RGSL1: variants seen among roughly 807,000 people sequenced by gnomAD.
RGSL1 encodes regulator of G protein signaling protein-like.
In RGSL1, 97 loss-of-function variants were observed where a neutral mutation model predicts 124.7. The ratio of observed to expected loss-of-function variants is 0.78; its 90% CI spans 0.66 to 0.92. The LOEUF (loss-of-function observed/expected upper bound fraction) is 0.92. Ranked by LOEUF, RGSL1 falls within the 40% of genes least tolerant of loss-of-function variation. The pLI is 0.00. For synonymous variants in RGSL1, 424 were observed against 438.1 expected (o/e 0.97, Z 0.40); for missense variants, 1,233 against 1,288.4 (o/e 0.96, Z 0.66).
At chr1:182,520,332 T>G (rs552463705) in intron 9 of RGSL1, among the ~76,000 whole-genome samples, 10 of 152,328 alleles carry the variant, frequency 6.6e-5, no homozygotes, top group Non-Finnish European at 1.3e-4. Context: ...GGGCCTCTTC[T>G]CCTTTTGCCC....
chr1:182,552,031 T>C (rs932773271), intron 18 of RGSL1, among the ~76,000 whole-genome samples: 2 of 152,196 alleles, frequency 1.3e-5, no homozygotes, highest in Non-Finnish European at 2.9e-5. Context: ...TCTATGATAT[T>C]CACACAACCA....
intron 6 of RGSL1, among the ~76,000 whole-genome samples, chr1:182,479,828 T>A (rs899726682): frequency 6.6e-6 from 1 of 152,176 alleles, no homozygotes; most frequent in African/African-American, 2.4e-5. Context: ...AAAAGCATAT[T>A]TGGCTATACT....
intron 4 of RGSL1, among the ~76,000 whole-genome samples, chr1:182,470,787 G>A (rs1243184104): frequency 2.0e-5 from 3 of 152,156 alleles, no homozygotes; most frequent in East Asian, 1.9e-4. Flanking sequence ...AACATGTACT[G>A]AAAGAATGAA....
intron 15 of RGSL1, among the ~76,000 whole-genome samples, chr1:182,544,897 G>A (rs1660115363): frequency 6.6e-6 from 1 of 151,860 alleles, no homozygotes; most frequent in Admixed American, 6.6e-5. Context: ...AGCTGAAGTG[G>A]GTTTCTTGTA....
intron 4 of RGSL1, among the ~76,000 whole-genome samples, chr1:182,465,635 A>G (rs1375342639): frequency 6.6e-6 from 1 of 152,102 alleles, no homozygotes; most frequent in Non-Finnish European, 1.5e-5. Flanking sequence ...ATCTGAGTAG[A>G]CCTATAACTA....
At chr1:182,458,925 A>G (rs1046926782) in intron 3 of RGSL1, among the ~76,000 whole-genome samples, 3 of 152,234 alleles carry the variant, frequency 2.0e-5, no homozygotes, top group Admixed American at 1.3e-4. Context: ...CTCTTATCCA[A>G]GCAATTGCTG....
In RGSL1 at chr1:182,474,108, C is replaced by T; in HGVS notation, c.997C>T (p.Pro333Ser). 1 of 1,551,864 alleles carries T rather than the reference C, an allele frequency of 6.4e-7. No homozygotes were observed. The highest frequency in any genetic ancestry group is 8.7e-7 in the Non-Finnish European group (1 of 1,147,026). Residue 333 changes from proline to serine, a missense_variant, in exon 6 of 22, where the codon CCC (proline) becomes TCC (serine). By Grantham distance (74) the Pro-to-Ser change is moderately conservative. Coordinates refer to ENST00000294854, the MANE Select transcript of RGSL1 (RefSeq NM_001137669.2). ...CAAGAGCCACCTCCACATGGAAGCC[C>T]CCTTTGAGACAAAGGTCTCTACCCA... ...KAKSHLHMEA[P>S]FETKVSTHLR...
chr1:182,530,733 C>T lies in RGSL1; in HGVS notation c.2244-57C>T, dbSNP rs1471791999. 1.4e-5 allele frequency: 20 copies of T among 1,470,644 alleles called. No individual in the cohort carries two copies. In the East Asian group the frequency reaches 4.9e-4, roughly 36 times the overall value. The allele number at this position is 1,470,644 out of a possible 1,614,324, so 91.1% of individuals were successfully genotyped here. The stretch of plus-strand genomic sequence containing the variant: ...GCTGAGGTAGGTTTGCCTGGACTGT[C>T]ATCTTTTATGTGCCAGGTTTTTGCC... On this transcript the variant is annotated intron_variant, in intron 12 of 21. Coordinates refer to ENST00000294854, the MANE Select transcript of RGSL1 (RefSeq NM_001137669.2).
At chr1:182,542,407 T>C (rs1228224149) in intron 15 of RGSL1, among the ~76,000 whole-genome samples, 1 of 152,202 alleles carries the variant, frequency 6.6e-6, no homozygotes, top group African/African-American at 2.4e-5. Context: ...TTGTCTATTC[T>C]GTTCCACAGG....
chr1:182,522,443 G>T (rs146799412), intron 10 of RGSL1, among the ~76,000 whole-genome samples: 91 of 152,158 alleles, frequency 6.0e-4, no homozygotes, highest in Middle Eastern at 3.4e-3. Context: ...GCTATAAATA[G>T]TATCACAATA....
In RGSL1 at chr1:182,548,680, G is replaced by A. The variant is rs2102323073; in HGVS notation, c.2809-20G>A. ...TCCCGTGGAGCCTCTGCCAGTGACAGGCTCCCACTCTGTGGGTAGGTGAAT... is the reference window on the plus strand; with the variant it reads ...TCCCGTGGAGCCTCTGCCAGTGACAAGCTCCCACTCTGTGGGTAGGTGAAT... On this transcript the variant is annotated intron_variant, in intron 16 of 21. Coordinates refer to ENST00000294854, the MANE Select transcript of RGSL1 (RefSeq NM_001137669.2). 1 of 1,550,888 alleles carries A rather than the reference G, an allele frequency of 6.4e-7. No individual in the cohort carries two copies. Among genetic ancestry groups the A allele is most frequent in the East Asian group, 2.4e-5 (1 of 40,906 alleles).
chr1:182,538,625 A>T (rs965997561), intron 14 of RGSL1, among the ~76,000 whole-genome samples: 2 of 152,212 alleles, frequency 1.3e-5, no homozygotes, highest in African/African-American at 4.8e-5. Flanking sequence ...AGCAAAATTA[A>T]GTGTAGGAAG....
rs1641910274 is a variant in RGSL1, at chr1:182,530,158, G to C, written c.2126-86G>C. Reference sequence around the variant, plus strand: ...GAAAATGGGGGCTGTGAGACTCTAAGATAAAAAAAAAAAACAAAAAACCAC... The same window carrying C: ...GAAAATGGGGGCTGTGAGACTCTAACATAAAAAAAAAAAACAAAAAACCAC... On this transcript the variant is annotated intron_variant, in intron 11 of 21. Transcript: ENST00000294854. 11 of 943,292 alleles carry C rather than the reference G, an allele frequency of 1.2e-5. No homozygotes were observed. The Admixed American group carries it at 1.6e-4, about 14-fold the overall frequency. 58.4% of individuals were successfully genotyped at this position (943,292 alleles called of 1,614,324 possible).
chr1:182,451,476 C>CGTGATGGTATAGGGAGATAG (rs1571445752), intron 1 of RGSL1, among the ~76,000 whole-genome samples: 8 of 115,690 alleles, frequency 6.9e-5, no homozygotes, highest in South Asian at 2.6e-4. Context: ...AATTTGTGAG[C>CGTGATGGTATAGGGAGATAG]TGACTGTGCT....
chr1:182,549,506 C>T (rs184566011), intron 17 of RGSL1: 194 of 152,352 alleles, frequency 1.3e-3, no homozygotes, highest in African/African-American at 4.4e-3. Flanking sequence ...TGGCCTGAGC[C>T]TTCCCAGCTG....
chr1:182,532,897 AGTCTAGC>A, intron 14 of RGSL1, 106 bp downstream of exon 14: 3 of 1,312,718 alleles, frequency 2.3e-6, no homozygotes, highest in Admixed American at 2.4e-5. Flanking sequence ...GGCAGCCTGG[AGTCTAGC>A]AAAAAAACCC....
chr1:182,457,281 T>C (rs1297877975), intron 2 of RGSL1, among the ~76,000 whole-genome samples: 3 of 152,180 alleles, frequency 2.0e-5, no homozygotes, highest in Non-Finnish European at 4.4e-5. Context: ...GTGCCCTCTA[T>C]GGTATAAATG....
chr1:182,461,210 T>G (rs1290457389), intron 4 of RGSL1, among the ~76,000 whole-genome samples: 1 of 151,752 alleles, frequency 6.6e-6, no homozygotes, highest in African/African-American at 2.4e-5. Flanking sequence ...TGGAGAAAAT[T>G]AGAAAGTAAC....
intron 11 of RGSL1, among the ~76,000 whole-genome samples, chr1:182,528,676 G>A (rs1200091237): frequency 6.6e-6 from 1 of 152,164 alleles, no homozygotes; most frequent in Non-Finnish European, 1.5e-5. Context: ...CTCACATCTA[G>A]GTCACACTGA....
Sources: allele counts gnomAD v4.1 joint callset (sites outside exome capture counted in the v4.1 genomes callset), GRCh38; gene constraint gnomAD v4.1.1; transcripts MANE v1.5; gene names NCBI Gene and HGNC (gene_info 2026-07-23, HGNC 2026-07-21).